Variants in SLCO1A2 observed in about 807,000 individuals in gnomAD.
SLCO1A2 encodes the protein solute carrier organic anion transporter family member 1A2, also known as OATP-1.
In SLCO1A2, 67 loss-of-function variants were observed where a neutral mutation model predicts 69.0. The ratio of observed to expected loss-of-function variants is 0.97; its 90% CI spans 0.80 to 1.19. The LOEUF (loss-of-function observed/expected upper bound fraction) is 1.19, where lower values mean the gene tolerates loss of function less well. SLCO1A2 is among the 50% of genes most tolerant of loss of function. The pLI is 0.00. For synonymous variants in SLCO1A2, 260 were observed against 265.9 expected, an observed-to-expected ratio of 0.98 and a Z score of 0.22; for missense variants, 787 against 793.7, an observed-to-expected ratio of 0.99 and a Z score of 0.10.
At chr12:21,394,264 G>T (rs1313035670) in intron 1 of SLCO1A2, among the ~76,000 whole-genome samples, 1 of 152,142 alleles carries the variant, frequency 6.6e-6, no homozygotes, top group Non-Finnish European at 1.5e-5. Flanking sequence ...TTGGGTCAGT[G>T]CAGTGGGCTG....
At chr12:21,290,768 C>T (rs932994517) in intron 12 of SLCO1A2, among the ~76,000 whole-genome samples, 1 of 152,068 alleles carries the variant, frequency 6.6e-6, no homozygotes, top group African/African-American at 2.4e-5. Context: ...AAAAATGTGA[C>T]TTCTCTTCCA....
At chr12:21,310,626 G>A (rs937609144) in intron 4 of SLCO1A2, among the ~76,000 whole-genome samples, 1 of 152,220 alleles carries the variant, frequency 6.6e-6, no homozygotes, top group African/African-American at 2.4e-5. Context: ...TTTTGAGACG[G>A]AGTCTCGCTA....
At chr12:21,354,386 G>A (rs1409013297) in intron 2 of SLCO1A2, among the ~76,000 whole-genome samples, 3 of 152,166 alleles carry the variant, frequency 2.0e-5, no homozygotes, top group Admixed American at 6.6e-5. Context: ...CCTTTCTGCT[G>A]TGATGAAACT....
chr12:21,303,791 T>C (rs1435036326), intron 6 of SLCO1A2, among the ~76,000 whole-genome samples: 3 of 152,106 alleles, frequency 2.0e-5, no homozygotes, highest in Non-Finnish European at 4.4e-5. Context: ...GTGAAAAATA[T>C]GAAGAAGCCT....
At chr12:21,401,804 A>G (rs4762822) in intron 1 of SLCO1A2, among the ~76,000 whole-genome samples, 64,920 of 151,420 alleles carry the variant, frequency 0.43, 14,064 homozygotes, top group Middle Eastern at 0.53. Flanking sequence ...ACCACAAAAA[A>G]TGTACTAGTT....
chr12:21,273,207 T>C (rs1943185723), intron 14 of SLCO1A2, among the ~76,000 whole-genome samples: 1 of 152,120 alleles, frequency 6.6e-6, no homozygotes, highest in African/African-American at 2.4e-5. Context: ...TTCTTTTAAA[T>C]GGGCTTCAAA....
intron 4 of SLCO1A2, among the ~76,000 whole-genome samples, chr12:21,308,492 T>A (rs1314723828): frequency 6.6e-6 from 1 of 152,164 alleles, no homozygotes. Context: ...TAAAGTTTGT[T>A]TAAGAAACAT....
At chr12:21,403,647 G>A (rs1941773891) in intron 1 of SLCO1A2, 1 of 149,122 alleles carries the variant, frequency 6.7e-6, no homozygotes, top group East Asian at 2.0e-4. Context: ...CATAAAGCAG[G>A]TTATAATCTT....
intron 1 of SLCO1A2, among the ~76,000 whole-genome samples, chr12:21,414,008 A>C (rs1468178044): frequency 6.6e-6 from 1 of 152,208 alleles, no homozygotes; most frequent in Non-Finnish European, 1.5e-5. Flanking sequence ...TAGTTGAAAC[A>C]AAATTAGTTA....
At chr12:21,296,376 G>GCT (rs1565479507) in intron 9 of SLCO1A2, among the ~76,000 whole-genome samples, 14 of 152,156 alleles carry the variant, frequency 9.2e-5, no homozygotes, top group Admixed American at 2.0e-4. Context: ...AAGTAGCTGG[G>GCT]ACTACAGGTG....
chr12:21,292,274 G>GCACA lies in SLCO1A2; in HGVS notation c.1496_1499dup (p.Asp501ValfsTer6). Reference sequence around the variant, plus strand: ...TCAAGGAACAGTCAGGTCCTTTGTCGCACAGCCCAAGAACTGCAGATGAAT... The same window carrying GCACA: ...TCAAGGAACAGTCAGGTCCTTTGTCGCACACACAGCCCAAGAACTGCAGATGAAT... On this transcript the variant is annotated frameshift_variant, in exon 12 of 15. Transcript: ENST00000683939. LOFTEE classifies it high-confidence loss of function. 1 of 1,612,542 alleles carries GCACA rather than the reference G, an allele frequency of 6.2e-7. No individual in the cohort carries two copies. The highest frequency in any genetic ancestry group is 2.2e-5 in the East Asian group (1 of 44,832).
At chr12:21,322,949 GT>G (rs1406992478) in intron 2 of SLCO1A2, among the ~76,000 whole-genome samples, 1 of 152,166 alleles carries the variant, frequency 6.6e-6, no homozygotes, top group Non-Finnish European at 1.5e-5. Context: ...TCATACCATT[GT>G]GGGGGTGGCA....
chr12:21,362,055 A>T (rs1938943051), intron 2 of SLCO1A2, among the ~76,000 whole-genome samples: 1 of 152,150 alleles, frequency 6.6e-6, no homozygotes, highest in Admixed American at 6.5e-5. Flanking sequence ...TGCCACAAAG[A>T]TACTCCTCGA....
chr12:21,296,141 T>C (rs1387172326), intron 9 of SLCO1A2, among the ~76,000 whole-genome samples: 1 of 152,210 alleles, frequency 6.6e-6, no homozygotes, highest in African/African-American at 2.4e-5. Flanking sequence ...ATTTATTCAT[T>C]TATTACCCTC....
At chr12:21,407,951 T>C (rs1941848957) in intron 1 of SLCO1A2, among the ~76,000 whole-genome samples, 1 of 152,134 alleles carries the variant, frequency 6.6e-6, no homozygotes, top group East Asian at 1.9e-4. Flanking sequence ...TTGGTGCAAC[T>C]GACAGTAAAA....
At chr12:21,410,293 G>C (rs528893601) in intron 1 of SLCO1A2, among the ~76,000 whole-genome samples, 5 of 152,266 alleles carry the variant, frequency 3.3e-5, no homozygotes, top group Admixed American at 1.3e-4. Context: ...GAGAGAGAGA[G>C]AGACAGAATG....
chr12:21,400,543 C>T (rs1941655441), intron 1 of SLCO1A2, among the ~76,000 whole-genome samples: 1 of 151,972 alleles, frequency 6.6e-6, no homozygotes, highest in Admixed American at 6.6e-5. Flanking sequence ...ACCCAAACGA[C>T]TATAAATCAT....
chr12:21,297,245 C>T (rs1947867843), intron 9 of SLCO1A2, among the ~76,000 whole-genome samples, 159 bp downstream of exon 9: 1 of 151,208 alleles, frequency 6.6e-6, no homozygotes, highest in African/African-American at 2.4e-5. Context: ...TTCTTTCTTT[C>T]TTTCTCTTTC....
intron 4 of SLCO1A2, among the ~76,000 whole-genome samples, chr12:21,310,481 C>T (rs1440293814): frequency 1.3e-5 from 2 of 152,218 alleles, no homozygotes; most frequent in Non-Finnish European, 1.5e-5. Context: ...ATCAGGGTAG[C>T]GGCTGCTGAA....
Sources: gnomAD v4.1 joint callset for allele counts (sites outside exome capture counted in the v4.1 genomes callset) on GRCh38, gnomAD v4.1.1 for gene constraint, MANE v1.5 for transcripts, NCBI Gene and HGNC (gene_info 2026-07-23, HGNC 2026-07-21) for gene names.